Variants in ANTXR2 observed in about 807,000 individuals in gnomAD.
ANTXR2 encodes the protein ANTXR cell adhesion molecule 2, also known as anthrax toxin receptor 2.
A neutral mutation model predicts 73.7 loss-of-function variants in ANTXR2; 44 were observed. The observed-to-expected ratio is 0.60, with a 90% CI of 0.47 to 0.77. The LOEUF (loss-of-function observed/expected upper bound fraction) is 0.77. Ranked by LOEUF, ANTXR2 falls within the 30% of genes least tolerant of loss-of-function variation. The probability of loss-of-function intolerance (pLI) is 0.00; values close to 1 mark genes in which losing one functional copy is unlikely to be tolerated. For missense variants in ANTXR2, 604 were observed against 592.5 expected (o/e 1.02, Z -0.20); for synonymous variants, 217 against 205.9 (o/e 1.05, Z -0.46).
intron 16 of ANTXR2, among the ~76,000 whole-genome samples, chr4:79,932,084 T>C (rs989903627): frequency 6.6e-6 from 1 of 152,268 alleles, no homozygotes; most frequent in African/African-American, 2.4e-5. Flanking sequence ...GAGCTAGAGG[T>C]AAACCCGACA....
intron 10 of ANTXR2, among the ~76,000 whole-genome samples, chr4:80,024,047 A>G (rs773938649): frequency 2.0e-4 from 30 of 152,264 alleles, no homozygotes; most frequent in Non-Finnish European, 3.7e-4. Context: ...ACTTGAAATA[A>G]GTACCAAAGT....
intron 16 of ANTXR2, among the ~76,000 whole-genome samples, chr4:79,973,539 C>T (rs1225808136): frequency 6.6e-6 from 1 of 151,894 alleles, no homozygotes; most frequent in Non-Finnish European, 1.5e-5. Context: ...GTGGTTCTTT[C>T]AACTCAGCCT....
chr4:79,978,247 G>A (rs1729729243), intron 14 of ANTXR2, 73 bp from the exon 15 acceptor site: 31 of 1,401,340 alleles, frequency 2.2e-5, no homozygotes, highest in Non-Finnish European at 2.7e-5. Flanking sequence ...TTGAGCCTAT[G>A]GTCCTTTAGT....
chr4:79,927,059 G>GTATA lies in ANTXR2; in HGVS notation c.1429-19593_1429-19592insTATA, dbSNP rs200749407. ...TGTGTATATATATGTGCGTGTGTGTGTGTATATATATATATATATGAATAT... is the reference window on the plus strand; with the variant it reads ...TGTGTATATATATGTGCGTGTGTGTGTATATGTATATATATATATATATGAATAT... On this transcript the variant is annotated intron_variant, in intron 16 of 16. Coordinates refer to ENST00000403729, the MANE Select transcript of ANTXR2 (RefSeq NM_058172.6). Among the ~76,000 whole-genome samples, 987 of 133,230 alleles carry GTATA rather than the reference G, an allele frequency of 7.4e-3. 9 individuals carry two copies. Among genetic ancestry groups the GTATA allele is most frequent in the South Asian group, 0.016 (59 of 3,638 alleles). The allele number at this position is 133,230 out of a possible 152,430, so 87.4% of individuals were successfully genotyped here. A position where few individuals can be genotyped will look rare whatever the true frequency, so the allele number is the denominator to read the frequency against.
chr4:80,038,366 G>C (rs1025566167), intron 7 of ANTXR2, among the ~76,000 whole-genome samples: 2 of 152,024 alleles, frequency 1.3e-5, no homozygotes, highest in Non-Finnish European at 2.9e-5. Context: ...AATTCCAATA[G>C]CAATATCAAA....
chr4:80,020,197 G>A (rs929185863), intron 10 of ANTXR2, among the ~76,000 whole-genome samples: 1 of 152,050 alleles, frequency 6.6e-6, no homozygotes, highest in Non-Finnish European at 1.5e-5. Flanking sequence ...CGGCAACACA[G>A]TGAGATGCCC....
chr4:79,960,445 A>G (rs1048128600), intron 16 of ANTXR2, among the ~76,000 whole-genome samples: 1 of 152,296 alleles, frequency 6.6e-6, no homozygotes, highest in East Asian at 1.9e-4. Flanking sequence ...GATGTATATC[A>G]GAGAATAAAA....
intron 16 of ANTXR2, among the ~76,000 whole-genome samples, chr4:79,976,456 T>C (rs1209268581): frequency 7.7e-6 from 1 of 129,440 alleles, no homozygotes; most frequent in African/African-American, 2.7e-5. Flanking sequence ...CAGTTTGCCA[T>C]TGCCATGGCA....
chr4:79,953,697 CTTT>C (rs562262658), intron 16 of ANTXR2, among the ~76,000 whole-genome samples: 3 of 151,568 alleles, frequency 2.0e-5, no homozygotes, highest in African/African-American at 7.3e-5. Flanking sequence ...AATTATATTT[CTTT>C]TTTTTAAGTA....
At position 80,033,640 on chromosome 4, in the gene ANTXR2, TG is replaced by T. The variant is rs555314592; in HGVS notation, c.698-71del. The T allele has an allele frequency of 3.1e-4, 363 of 1,182,260 alleles. 1 individual carries two copies. In the African/African-American group the frequency reaches 4.8e-3, roughly 16 times the overall value. The allele number at this position is 1,182,260 out of a possible 1,614,324, so 73.2% of individuals were successfully genotyped here. A position where few individuals can be genotyped will look rare whatever the true frequency, so the allele number is the denominator to read the frequency against. On this transcript the variant is annotated intron_variant, in intron 8 of 16. Coordinates refer to ENST00000403729, the MANE Select transcript of ANTXR2 (RefSeq NM_058172.6). The stretch of plus-strand genomic sequence containing the variant: ...AAAAAATAAAAAACACAAGCTGAAA[TG>T]AAAGTATTAAGGTGCAAAGAATAAT...
At chr4:79,988,044 A>C (rs1730271385) in intron 12 of ANTXR2, among the ~76,000 whole-genome samples, 1 of 151,902 alleles carries the variant, frequency 6.6e-6, no homozygotes, top group Non-Finnish European at 1.5e-5. Context: ...CTATAAAGCA[A>C]CTATACAATC....
chr4:79,989,492 T>TA (rs1197188394), intron 12 of ANTXR2, among the ~76,000 whole-genome samples: 7 of 151,452 alleles, frequency 4.6e-5, no homozygotes, highest in African/African-American at 1.2e-4. Flanking sequence ...TGATCAGTAA[T>TA]AAAAAAAATC....
intron 7 of ANTXR2, among the ~76,000 whole-genome samples, chr4:80,052,295 A>T (rs1231969054): frequency 6.6e-6 from 1 of 151,728 alleles, no homozygotes; most frequent in African/African-American, 2.4e-5. Context: ...ATCAGATGGT[A>T]CTATGCAATT....
intron 7 of ANTXR2, among the ~76,000 whole-genome samples, chr4:80,037,159 T>C (rs1449754762): frequency 6.6e-6 from 1 of 152,200 alleles, no homozygotes; most frequent in East Asian, 1.9e-4. Context: ...GTCAGACAAA[T>C]TCCAGATGAT....
chr4:80,031,724 G>C (rs574402905), intron 9 of ANTXR2, 32 bp from the exon 10 acceptor site: 1 of 1,329,234 alleles, frequency 7.5e-7, no homozygotes, highest in Non-Finnish European at 1.0e-6. Context: ...AATTAGTAAA[G>C]GGTTTTATGC....
intron 16 of ANTXR2, among the ~76,000 whole-genome samples, chr4:79,937,282 T>C (rs1023213235): frequency 4.6e-5 from 7 of 152,152 alleles, no homozygotes; most frequent in African/African-American, 1.7e-4. Context: ...GAAAATTAAT[T>C]ACATATAATC....
At position 80,069,519 on chromosome 4, in the gene ANTXR2, G is replaced by A; in HGVS notation, c.225-12C>T. Reference sequence around the variant, plus strand: ...ATCTCATTTCAGGGCTGCAAAATAAGAAAAGAGGCAGTTAAAACATTTTTA... The same window carrying A: ...ATCTCATTTCAGGGCTGCAAAATAAAAAAAGAGGCAGTTAAAACATTTTTA... On this transcript the variant is annotated splice_polypyrimidine_tract_variant and intron_variant, in intron 2 of 16. Transcript: ENST00000403729. 1.9e-6 allele frequency: 3 copies of A among 1,570,428 alleles called. No individual in the cohort carries two copies. In the Admixed American group the frequency reaches 5.3e-5, roughly 28 times the overall value.
intron 7 of ANTXR2, 38 bp from the exon 8 acceptor site, chr4:80,036,070 A>C: frequency 1.4e-6 from 2 of 1,428,618 alleles, no homozygotes; most frequent in South Asian, 2.7e-5. Context: ...CAAGCTATAG[A>C]TCTAAAATTA....
intron 16 of ANTXR2, among the ~76,000 whole-genome samples, chr4:79,944,601 A>G (rs1356647960): frequency 6.6e-6 from 1 of 152,032 alleles, no homozygotes; most frequent in Non-Finnish European, 1.5e-5. Flanking sequence ...ATAAAAAAAA[A>G]TTGCCTATAC....
Sources: gnomAD v4.1 joint callset for allele counts (sites outside exome capture counted in the v4.1 genomes callset) on GRCh38, gnomAD v4.1.1 for gene constraint, MANE v1.5 for transcripts, NCBI Gene and HGNC (gene_info 2026-07-23, HGNC 2026-07-21) for gene names.